Variants in MRPS28 observed in about 807,000 individuals in gnomAD.
MRPS28 encodes the protein small ribosomal subunit protein bS1m.
A neutral mutation model predicts 10.8 loss-of-function variants in MRPS28; 7 were observed. The observed-to-expected ratio is 0.65, with a 90% CI of 0.37 to 1.22. The LOEUF (loss-of-function observed/expected upper bound fraction) is 1.22, where lower values mean the gene tolerates loss of function less well. Among genes scored for constraint, MRPS28 ranks in the 50% most tolerant of loss-of-function variants. The pLI, the probability that MRPS28 is intolerant of heterozygous loss-of-function variation, is 0.02. For missense variants in MRPS28, 265 were observed against 232.9 expected, an observed-to-expected ratio of 1.14 and a Z score of -0.90; for synonymous variants, 121 against 93.3, an observed-to-expected ratio of 1.30 and a Z score of -1.71.
chr8:79,980,368 T>G (rs1807922871), intron 2 of MRPS28, among the ~76,000 whole-genome samples: 1 of 152,156 alleles, frequency 6.6e-6, no homozygotes, highest in African/African-American at 2.4e-5. Context: ...TGAGTACAAT[T>G]AAGACTTAAC....
At chr8:80,003,707 C>T (rs867160001) in intron 1 of MRPS28, among the ~76,000 whole-genome samples, 29 of 152,178 alleles carry the variant, frequency 1.9e-4, no homozygotes, top group African/African-American at 6.5e-4. Flanking sequence ...ACCCAGAAAA[C>T]GCAAGGGGTC....
chr8:79,922,680 G>A (rs1308806998), intron 2 of MRPS28, among the ~76,000 whole-genome samples: 1 of 151,986 alleles, frequency 6.6e-6, no homozygotes, highest in African/African-American at 2.4e-5. Context: ...AAATATTCAA[G>A]TATTTTATAA....
At chr8:80,029,685 C>T (rs575813925) in intron 1 of MRPS28, 4 of 1,329,952 alleles carry the variant, frequency 3.0e-6, no homozygotes, top group South Asian at 1.2e-5. Context: ...CCTGCCTCTC[C>T]GTGTGAGTCC....
At chr8:79,977,713 G>A (rs748282203) in intron 2 of MRPS28, among the ~76,000 whole-genome samples, 1 of 151,830 alleles carries the variant, frequency 6.6e-6, no homozygotes, top group Non-Finnish European at 1.5e-5. Context: ...ACTACTTGGG[G>A]GACTGAGGTG....
intron 2 of MRPS28, among the ~76,000 whole-genome samples, chr8:79,959,761 T>C (rs1393546849): frequency 6.6e-6 from 1 of 152,166 alleles, no homozygotes; most frequent in African/African-American, 2.4e-5. Context: ...TATTAGATTA[T>C]AATCCTAGGC....
intron 2 of MRPS28, among the ~76,000 whole-genome samples, chr8:79,932,826 G>C (rs1291021745): frequency 6.6e-6 from 1 of 152,164 alleles, no homozygotes; most frequent in Non-Finnish European, 1.5e-5. Flanking sequence ...GTCTGTCTTG[G>C]TCAGAATTCA....
At chr8:79,948,327 T>C (rs1029981151) in intron 2 of MRPS28, among the ~76,000 whole-genome samples, 3 of 152,200 alleles carry the variant, frequency 2.0e-5, no homozygotes, top group Non-Finnish European at 4.4e-5. Context: ...TGTATGTAGA[T>C]ATACATTTGT....
chr8:79,936,747 T>C (rs1368915157), intron 2 of MRPS28, among the ~76,000 whole-genome samples: 2 of 152,254 alleles, frequency 1.3e-5, no homozygotes, highest in African/African-American at 4.8e-5. Context: ...TGGCAACCCT[T>C]TTAAAAAATC....
intron 2 of MRPS28, among the ~76,000 whole-genome samples, chr8:79,962,687 T>C (rs1807402491): frequency 6.6e-6 from 1 of 152,082 alleles, no homozygotes; most frequent in Non-Finnish European, 1.5e-5. Context: ...CAATAAATAT[T>C]GTGAAATAAT....
At chr8:79,981,675 G>A (rs886289919) in intron 2 of MRPS28, among the ~76,000 whole-genome samples, 5 of 152,180 alleles carry the variant, frequency 3.3e-5, no homozygotes, top group African/African-American at 9.7e-5. Context: ...TTTGGAAGCC[G>A]AGTAACTTAA....
intron 2 of MRPS28, among the ~76,000 whole-genome samples, chr8:79,965,846 T>C (rs1376814874): frequency 1.3e-5 from 2 of 152,086 alleles, no homozygotes; most frequent in Non-Finnish European, 2.9e-5. Context: ...TTCCACAGTA[T>C]CGGTCAATTA....
intron 1 of MRPS28, among the ~76,000 whole-genome samples, chr8:80,006,348 A>G (rs1412847417): frequency 6.6e-6 from 1 of 152,212 alleles, no homozygotes; most frequent in Non-Finnish European, 1.5e-5. Flanking sequence ...GCTCAACTAC[A>G]TGGAAACTGA....
At chr8:79,946,180 A>T (rs1221470198) in intron 2 of MRPS28, among the ~76,000 whole-genome samples, 1 of 152,088 alleles carries the variant, frequency 6.6e-6, no homozygotes, top group African/African-American at 2.4e-5. Flanking sequence ...CTTCCTTTAC[A>T]TCCCCAATGT....
intron 1 of MRPS28, among the ~76,000 whole-genome samples, chr8:80,020,889 T>C (rs1007221448): frequency 1.3e-5 from 2 of 152,098 alleles, no homozygotes; most frequent in African/African-American, 4.8e-5. Context: ...AAGAAAACAC[T>C]GGAATTTCTA....
chr8:79,976,588 C>G (rs1183672105), intron 2 of MRPS28, among the ~76,000 whole-genome samples: 1 of 151,950 alleles, frequency 6.6e-6, no homozygotes, highest in African/African-American at 2.4e-5. Context: ...CACCTGTAGC[C>G]CCAACTACAC....
At chr8:80,004,735 T>G (rs1808776058) in intron 1 of MRPS28, among the ~76,000 whole-genome samples, 1 of 151,984 alleles carries the variant, frequency 6.6e-6, no homozygotes, top group African/African-American at 2.4e-5. Flanking sequence ...CTAAAAACCT[T>G]GAAAAAAGAT....
intron 1 of MRPS28, among the ~76,000 whole-genome samples, chr8:80,007,168 A>C (rs1324071357): frequency 6.6e-6 from 1 of 152,182 alleles, no homozygotes; most frequent in East Asian, 1.9e-4. Flanking sequence ...CAAAGACAAA[A>C]ACCACTTGAT....
chr8:80,024,934 G>T (rs1184206833), intron 1 of MRPS28, among the ~76,000 whole-genome samples: 1 of 152,188 alleles, frequency 6.6e-6, no homozygotes, highest in East Asian at 1.9e-4. Flanking sequence ...CATCTGTTTG[G>T]TGAGATCACA....
intron 2 of MRPS28, among the ~76,000 whole-genome samples, chr8:79,935,354 TTCTTC>T (rs909659772): frequency 6.6e-6 from 1 of 152,138 alleles, no homozygotes; most frequent in African/African-American, 2.4e-5. Flanking sequence ...TTTCCTTTCT[TTCTTC>T]TTCTTCTTTT....
Sources: allele counts gnomAD v4.1 joint callset (sites outside exome capture counted in the v4.1 genomes callset), GRCh38; gene constraint gnomAD v4.1.1; transcripts MANE v1.5; gene names NCBI Gene and HGNC (gene_info 2026-07-23, HGNC 2026-07-21).